SLAIN1: variants seen among roughly 807,000 people sequenced by gnomAD.
The protein encoded by SLAIN1 is SLAIN motif-containing protein 1.
A neutral mutation model predicts 55.4 loss-of-function variants in SLAIN1; 17 were observed. The observed-to-expected ratio is 0.31, with a 90% CI of 0.21 to 0.46. SLAIN1 has a LOEUF of 0.46. SLAIN1 is among the 20% of genes least tolerant of loss of function. The probability of loss-of-function intolerance (pLI) is 1.00; values close to 1 mark genes in which losing one functional copy is unlikely to be tolerated. For missense variants in SLAIN1, 682 were observed against 785.1 expected, an observed-to-expected ratio of 0.87 and a Z score of 1.57; for synonymous variants, 348 against 337.4, an observed-to-expected ratio of 1.03 and a Z score of -0.35.
chr13:77,742,581 A>C (rs1391764043), intron 2 of SLAIN1, among the ~76,000 whole-genome samples: 1 of 151,932 alleles, frequency 6.6e-6, no homozygotes, highest in African/African-American at 2.4e-5. Flanking sequence ...AAAAATATAG[A>C]ATTACATATA....
rs188659274 is a variant in SLAIN1 at position 77,714,441 on chromosome 13, A to G, written c.627-5091A>G. Among the ~76,000 whole-genome samples, 17 of 152,222 alleles carry G rather than the reference A, an allele frequency of 1.1e-4. No individual in the cohort carries two copies. The East Asian group carries it at 3.3e-3, about 29-fold the overall frequency. ...AGCCTCGACAACATAGGAAGACCAC[A>G]TCTCTACAAAAAAACTTATAAAATA... On this transcript the variant is annotated intron_variant, in intron 1 of 6. Transcript: ENST00000418532.
rs1431765409 is a variant in SLAIN1, at chr13:77,763,801, CA to C, written c.*586del. 1 of 152,574 alleles carries C rather than the reference CA, an allele frequency of 6.6e-6. No individual in the cohort carries two copies. Among genetic ancestry groups the C allele is most frequent in the Non-Finnish European group, 1.5e-5 (1 of 68,028 alleles). 9.5% of individuals were successfully genotyped at this position (152,574 alleles called of 1,614,324 possible). A position where few individuals can be genotyped will look rare whatever the true frequency, so the allele number is the denominator to read the frequency against. On this transcript the variant is annotated 3_prime_UTR_variant, in exon 7 of 7. Transcript: ENST00000418532. ...TTTTTTAGCTCTAGGGATATATCAG[CA>C]AAAACACATCATGCAATTTGAGACA... is the stretch of plus-strand genomic sequence containing the variant.
At chr13:77,699,292 T>G (rs2091007734) in intron 1 of SLAIN1, 2 of 303,488 alleles carry the variant, frequency 6.6e-6, no homozygotes, top group African/African-American at 4.3e-5. Flanking sequence ...CTTTAATTTT[T>G]TAAATTAAAC....
In SLAIN1 at chr13:77,761,067, G is replaced by C. The variant is rs1874982680; in HGVS notation, c.1654G>C (p.Gly552Arg). The C allele has an allele frequency of 6.2e-7, 1 of 1,614,044 alleles. No homozygotes were observed. Among genetic ancestry groups the C allele is most frequent in the Non-Finnish European group, 8.5e-7 (1 of 1,180,022 alleles). The change falls in exon 6 of 7, where the codon GGG (glycine) becomes CGG (arginine). Residue 552 changes from glycine to arginine, a missense_variant. Physicochemically the swap from Gly to Arg is moderately radical, Grantham distance 125. This residue lies in a region of SLAIN1 where 244 missense variants were observed against 295.2 expected (regional missense o/e 0.83). Transcript: ENST00000418532. ...ALPRPSLAINGSNLPRSKIAQ... is the reference protein window; with the variant it reads ...ALPRPSLAINRSNLPRSKIAQ... ...CCCAAGACCTTCGTTGGCAATAAAT[G>C]GGAGTAACCTGCCTCGAAGCAAAAT...
chr13:77,733,641 C>T (rs946322524), intron 2 of SLAIN1, among the ~76,000 whole-genome samples: 11 of 152,212 alleles, frequency 7.2e-5, no homozygotes, highest in Admixed American at 1.3e-4. Flanking sequence ...CCTAAGACTA[C>T]CAATTAGGTG....
chr13:77,754,556 T>A (rs180853695), intron 5 of SLAIN1, among the ~76,000 whole-genome samples: 11 of 152,298 alleles, frequency 7.2e-5, no homozygotes, highest in Admixed American at 2.0e-4. Context: ...CCACGTGCTG[T>A]TCTTCTCTGC....
chr13:77,732,989 G>A (rs1433770962), intron 2 of SLAIN1, among the ~76,000 whole-genome samples: 1 of 152,150 alleles, frequency 6.6e-6, no homozygotes, highest in Admixed American at 6.6e-5. Flanking sequence ...TAAGATCTGA[G>A]AAGTAGATAA....
At chr13:77,709,742 C>G (rs755577090) in intron 1 of SLAIN1, among the ~76,000 whole-genome samples, 2 of 152,222 alleles carry the variant, frequency 1.3e-5, no homozygotes, top group South Asian at 4.1e-4. Flanking sequence ...CTTACAAGAG[C>G]TCCTGAAGGA....
chr13:77,756,347 A>T (rs1307363058), intron 5 of SLAIN1, among the ~76,000 whole-genome samples: 4 of 152,092 alleles, frequency 2.6e-5, no homozygotes, highest in African/African-American at 7.2e-5. Flanking sequence ...ATTAATATGT[A>T]ATAGTCCTCC....
intron 6 of SLAIN1, 114 bp from the exon 7 acceptor site, chr13:77,763,030 GT>G: frequency 1.2e-6 from 1 of 802,894 alleles, no homozygotes; most frequent in South Asian, 1.7e-5. Context: ...GATGGTGCCA[GT>G]GGCTTCTCAT....
Position 77,698,449 on chromosome 13 carries a change from C to A in SLAIN1, c.536C>A (p.Pro179Gln). ...AGTPPGAAAA[P>Q]PSPPPTLLDE... ...ACGCCGCCAGGGGCAGCTGCAGCGCCGCCCTCGCCGCCCCCCACGCTGCTG... is the reference window on the plus strand; with the variant it reads ...ACGCCGCCAGGGGCAGCTGCAGCGCAGCCCTCGCCGCCCCCCACGCTGCTG... The change falls in exon 1 of 7, where the codon CCG becomes CAG. Residue 179 changes from proline to glutamine, a missense_variant. Pro to Gln is a moderately conservative substitution (Grantham distance 76). Coordinates refer to ENST00000418532, the MANE Select transcript of SLAIN1 (RefSeq NM_001242868.2). This position sits in a 1 kb window ranked among gnomAD's most constrained non-coding sequence, Gnocchi z 4.1. 1 of 1,438,688 alleles carries A rather than the reference C, an allele frequency of 7.0e-7. No homozygotes were observed. The highest frequency in any genetic ancestry group is 1.4e-5 in the South Asian group (1 of 71,794). 89.1% of individuals were successfully genotyped at this position (1,438,688 alleles called of 1,614,324 possible).
At chr13:77,737,079 T>C (rs1466505778) in intron 2 of SLAIN1, among the ~76,000 whole-genome samples, 3 of 141,588 alleles carry the variant, frequency 2.1e-5, no homozygotes, top group African/African-American at 4.9e-5. Flanking sequence ...AGTAACCATC[T>C]TGAGTTCAAC....
At position 77,719,505 on chromosome 13, in the gene SLAIN1, C is replaced by T. The variant is rs752513499; in HGVS notation, c.627-27C>T. 5.7e-6 allele frequency: 9 copies of T among 1,575,632 alleles called. No homozygotes were observed. The African/African-American group carries it at 1.2e-4, about 21-fold the overall frequency. Reference sequence around the variant, plus strand: ...GTACTCTCTGTATACCTATATCATACCTATAATGTAGATTTCTTTTTTTAA... The same window carrying T: ...GTACTCTCTGTATACCTATATCATATCTATAATGTAGATTTCTTTTTTTAA... On this transcript the variant is annotated intron_variant, in intron 1 of 6. Coordinates refer to ENST00000418532, the MANE Select transcript of SLAIN1 (RefSeq NM_001242868.2).
chr13:77,717,592 A>G (rs192687585), intron 1 of SLAIN1, among the ~76,000 whole-genome samples: 1 of 152,182 alleles, frequency 6.6e-6, no homozygotes, highest in East Asian at 1.9e-4. Context: ...ACCTCCCTTT[A>G]AGGAAAAACT....
intron 1 of SLAIN1, among the ~76,000 whole-genome samples, chr13:77,711,991 G>T (rs895804763): frequency 1.3e-5 from 2 of 152,048 alleles, no homozygotes; most frequent in Admixed American, 1.3e-4. Flanking sequence ...AATAGGTGCA[G>T]AAAAAGGCAT....
intron 1 of SLAIN1, among the ~76,000 whole-genome samples, chr13:77,711,575 A>G (rs2154409485): frequency 6.6e-6 from 1 of 152,350 alleles, no homozygotes; most frequent in South Asian, 2.1e-4. Flanking sequence ...GAATTAAGGC[A>G]GTAATTAATA....
At chr13:77,744,125 C>A (rs1029227844) in intron 2 of SLAIN1, 158 bp from the exon 3 acceptor site, 3 of 665,252 alleles carry the variant, frequency 4.5e-6, no homozygotes, top group South Asian at 1.7e-5. Context: ...GAATTGTGTA[C>A]ACATGATGTG....
chr13:77,705,465 A>G (rs1030662789), intron 1 of SLAIN1, among the ~76,000 whole-genome samples: 20 of 151,970 alleles, frequency 1.3e-4, no homozygotes, highest in African/African-American at 4.6e-4. Flanking sequence ...CCAGAATCCA[A>G]TATACCATTA....
intron 4 of SLAIN1, among the ~76,000 whole-genome samples, chr13:77,749,561 C>A (rs955721412): frequency 2.0e-5 from 3 of 152,116 alleles, no homozygotes; most frequent in Non-Finnish European, 4.4e-5. Context: ...AGTCTTGCTG[C>A]CTCTTTAATG....
Sources: allele counts gnomAD v4.1 joint callset (sites outside exome capture counted in the v4.1 genomes callset), GRCh38; gene constraint gnomAD v4.1.1; regional missense constraint gnomAD v4.1.1; non-coding constraint Gnocchi (gnomAD v3.1); transcripts MANE v1.5; gene names NCBI Gene and HGNC (gene_info 2026-07-23, HGNC 2026-07-21).